BAD: variants seen among roughly 807,000 people sequenced by gnomAD.
BAD encodes the protein bcl2-associated agonist of cell death.
In BAD, 18 loss-of-function variants were observed where a neutral mutation model predicts 17.8. The observed-to-expected ratio is 1.01, with a 90% CI of 0.70 to 1.50. The LOEUF (loss-of-function observed/expected upper bound fraction) is 1.50. Among genes scored for constraint, BAD ranks in the 40% most tolerant of loss-of-function variants. The pLI is 0.00. For missense variants in BAD, 294 were observed against 239.3 expected (o/e 1.23, Z -1.51); for synonymous variants, 112 against 91.5 (o/e 1.22, Z -1.28).
intron 2 of BAD, among the ~76,000 whole-genome samples, chr11:64,275,335 T>A (rs1267298652): frequency 2.0e-5 from 3 of 152,096 alleles, no homozygotes; most frequent in Non-Finnish European, 4.4e-5. Flanking sequence ...GCAGAGTAAT[T>A]TCCAGTTCTG....
At chr11:64,278,707 G>A (rs2033229694) in intron 2 of BAD, among the ~76,000 whole-genome samples, 1 of 152,180 alleles carries the variant, frequency 6.6e-6, no homozygotes, top group South Asian at 2.1e-4. Context: ...GTCCACACCT[G>A]TTTCAGACAC....
intron 2 of BAD, among the ~76,000 whole-genome samples, chr11:64,283,794 C>G (rs900078394): frequency 7.3e-5 from 11 of 150,764 alleles, no homozygotes; most frequent in African/African-American, 2.4e-4. Context: ...CTAATAGCTG[C>G]TATATATATA....
intron 3 of BAD, 141 bp from the exon 4 acceptor site, chr11:64,270,478 G>A (rs1384619720): frequency 8.1e-7 from 1 of 1,240,716 alleles, no homozygotes; most frequent in Non-Finnish European, 1.1e-6. Flanking sequence ...TCCACGCCGG[G>A]CGGTCAGGGA....
In BAD at chr11:64,284,259, T is replaced by C; in HGVS notation, c.110A>G (p.His37Arg). The change falls in exon 2 of 4, where the codon CAT becomes CGT. Residue 37 changes from histidine (H) to arginine (R), a missense_variant. Coordinates refer to ENST00000309032, the MANE Select transcript of BAD (RefSeq NM_032989.3). ...AGDGPSGSGK[H>R]HRQAPGLLWD... Reference sequence around the variant, plus strand: ...CAGGAGGCCTGGGGCCTGGCGATGATGCTTGCCGGAGCCTGAGGGCCCGTC... The same window carrying C: ...CAGGAGGCCTGGGGCCTGGCGATGACGCTTGCCGGAGCCTGAGGGCCCGTC... 6.2e-7 allele frequency: 1 copy of C among 1,611,390 alleles called. No homozygotes were observed. The highest frequency in any genetic ancestry group is 8.5e-7 in the Non-Finnish European group (1 of 1,179,776).
In BAD at chr11:64,284,470, C is replaced by T. The variant is rs886640711; in HGVS notation, c.-8-94G>A. ...AGGTACCCCTGGCTTCCTCTCCCAC[C>T]GTAGCGCCCCCAGGCCCGCCAGGCC... is the stretch of plus-strand genomic sequence containing the variant. On this transcript the variant is annotated intron_variant, in intron 1 of 3. Coordinates refer to ENST00000309032, the MANE Select transcript of BAD (RefSeq NM_032989.3). 4.4e-6 allele frequency: 7 copies of T among 1,594,832 alleles called. No individual in the cohort carries two copies. The East Asian group carries it at 8.9e-5, about 20-fold the overall frequency.
In BAD at chr11:64,269,903, C is replaced by G; in HGVS notation, c.*306G>C. On this transcript the variant is annotated 3_prime_UTR_variant, in exon 4 of 4. Transcript: ENST00000309032. ...CCAGGGCATCGCGGGGGCTCGGGTC[C>G]CGGTGACGCAACGGTTAAACCTGGC... is the stretch of plus-strand genomic sequence containing the variant. 1.4e-6 allele frequency: 1 copy of G among 701,422 alleles called. No individual in the cohort carries two copies. The highest frequency in any genetic ancestry group is 2.6e-6 in the Non-Finnish European group (1 of 386,520). 43.4% of individuals were successfully genotyped at this position (701,422 alleles called of 1,614,324 possible).
chr11:64,271,646 C>G lies in BAD; in HGVS notation c.345G>C (p.Arg115=), dbSNP rs987988841. The stretch of plus-strand genomic sequence containing the variant: ...AGTCCACAAACTCGTCACTCATCCT[C>G]CGGAGCTCGCGGCCATAGCGCTGTG... ...WAAQRYGREL[R]RMSDEFVDSF... is the part of the protein sequence containing the mutation. Residue 115 remains arginine (R), a synonymous_variant, in exon 3 of 4, where the codon CGG becomes CGC. Coordinates refer to ENST00000309032, the MANE Select transcript of BAD (RefSeq NM_032989.3). 4.0e-6 allele frequency: 6 copies of G among 1,504,106 alleles called. No homozygotes were observed. The highest frequency in any genetic ancestry group is 2.3e-5 in the Admixed American group (1 of 43,128). 93.2% of individuals were successfully genotyped at this position (1,504,106 alleles called of 1,614,324 possible).
chr11:64,278,652 T>G (rs1345884199), intron 2 of BAD, among the ~76,000 whole-genome samples: 1 of 152,198 alleles, frequency 6.6e-6, no homozygotes, highest in African/African-American at 2.4e-5. Context: ...CCCTGCAGTC[T>G]GGCCCAGGGG....
At chr11:64,275,288 C>T (rs1231135978) in intron 2 of BAD, among the ~76,000 whole-genome samples, 2 of 152,066 alleles carry the variant, frequency 1.3e-5, no homozygotes, top group Non-Finnish European at 2.9e-5. Context: ...GCAGGAGAGC[C>T]GGGAACAGAA....
At chr11:64,270,900 G>GACAC (rs71045754) in intron 3 of BAD, among the ~76,000 whole-genome samples, 40 of 87,652 alleles carry the variant, frequency 4.6e-4, no homozygotes, top group East Asian at 1.3e-3. Context: ...TGCCCTGTGA[G>GACAC]ACACACACAC....
intron 1 of BAD, 95 bp from the exon 2 acceptor site, chr11:64,284,471 G>T (rs1159789059): frequency 1.3e-6 from 2 of 1,594,806 alleles, no homozygotes; most frequent in South Asian, 2.2e-5. Flanking sequence ...CTCTCCCACC[G>T]TAGCGCCCCC....
At chr11:64,272,482 C>T (rs769345319) in intron 2 of BAD, among the ~76,000 whole-genome samples, 2 of 152,176 alleles carry the variant, frequency 1.3e-5, no homozygotes, top group Non-Finnish European at 2.9e-5. Flanking sequence ...TGAATGCCTC[C>T]TCTGCAAGGG....
intron 2 of BAD, among the ~76,000 whole-genome samples, chr11:64,274,261 G>C (rs186403105): frequency 6.6e-6 from 1 of 151,876 alleles, no homozygotes; most frequent in South Asian, 2.1e-4. Context: ...GGTGGCTGGC[G>C]CCTTAGTTCC....
intron 3 of BAD, 67 bp from the exon 4 acceptor site, chr11:64,270,404 TC>T (rs1265307957): frequency 4.1e-6 from 6 of 1,476,102 alleles, no homozygotes; most frequent in Non-Finnish European, 5.4e-6. Flanking sequence ...GCTCTCCACT[TC>T]CGTGAGCCTT....
intron 2 of BAD, among the ~76,000 whole-genome samples, chr11:64,276,127 C>T (rs1360684746): frequency 6.6e-6 from 1 of 152,114 alleles, no homozygotes; most frequent in East Asian, 1.9e-4. Flanking sequence ...TTTGGGCCTT[C>T]TGCTAGCACC....
intron 2 of BAD, among the ~76,000 whole-genome samples, chr11:64,282,197 C>T (rs753570604): frequency 5.3e-5 from 8 of 152,166 alleles, no homozygotes; most frequent in African/African-American, 7.2e-5. Context: ...CTGTGTCACA[C>T]GGTGAGCACT....
intron 2 of BAD, among the ~76,000 whole-genome samples, chr11:64,273,237 G>T (rs1383219031): frequency 6.6e-6 from 1 of 152,154 alleles, no homozygotes; most frequent in African/African-American, 2.4e-5. Context: ...GTTAGGTGTG[G>T]TGGTTCACGC....
At chr11:64,270,402 C>T in intron 3 of BAD, 65 bp from the exon 4 acceptor site, 3 of 1,478,938 alleles carry the variant, frequency 2.0e-6, no homozygotes, top group Non-Finnish European at 2.7e-6. Context: ...AGGCTCTCCA[C>T]TTCCGTGAGC....
Position 64,271,773 on chromosome 11 carries a change from T to TTTAATGATCC in BAD, c.217_218insGGATCATTAA (p.His73ArgfsTer50). The TTTAATGATCC allele has an allele frequency of 7.3e-7, 1 of 1,378,392 alleles. No individual in the cohort carries two copies. The highest frequency in any genetic ancestry group is 9.4e-7 in the Non-Finnish European group (1 of 1,063,078). 85.4% of individuals were successfully genotyped at this position (1,378,392 alleles called of 1,614,324 possible). A position where few individuals can be genotyped will look rare whatever the true frequency, so the allele number is the denominator to read the frequency against. On this transcript the variant is annotated frameshift_variant, in exon 3 of 4. Transcript: ENST00000309032. LOFTEE classifies it high-confidence loss of function. Reference sequence around the variant, plus strand: ...CTCCGTCCCCGCGGGGTAGGAGCTGTGGCGACTCCGGATCTCCACAGCCCC... The same window carrying TTTAATGATCC: ...CTCCGTCCCCGCGGGGTAGGAGCTGTTTAATGATCCGGCGACTCCGGATCTCCACAGCCCC...
Sources: gnomAD v4.1 joint callset for allele counts (sites outside exome capture counted in the v4.1 genomes callset) on GRCh38, gnomAD v4.1.1 for gene constraint, MANE v1.5 for transcripts, NCBI Gene and HGNC (gene_info 2026-07-23, HGNC 2026-07-21) for gene names.